GADL1: variants seen among roughly 807,000 people sequenced by gnomAD.
GADL1 encodes acidic amino acid decarboxylase GADL1.
In GADL1, 71 loss-of-function variants were observed where a neutral mutation model predicts 69.5. The ratio of observed to expected loss-of-function variants is 1.02; its 90% CI spans 0.84 to 1.25. GADL1 has a LOEUF of 1.25. Ranked by LOEUF, GADL1 falls within the 50% of genes most tolerant of loss-of-function variation. The pLI is 0.00. For synonymous variants in GADL1, 254 were observed against 214.4 expected, an observed-to-expected ratio of 1.18 and a Z score of -1.62; for missense variants, 737 against 631.8, an observed-to-expected ratio of 1.17 and a Z score of -1.79.
chr3:30,820,830 C>T (rs1289879443), intron 11 of GADL1, among the ~76,000 whole-genome samples: 11 of 151,538 alleles, frequency 7.3e-5, no homozygotes, highest in African/African-American at 2.4e-4. Context: ...GGGTATATAC[C>T]CAAAGGACTA....
chr3:30,780,586 T>C (rs183902320), intron 13 of GADL1, among the ~76,000 whole-genome samples: 1 of 152,352 alleles, frequency 6.6e-6, no homozygotes, highest in Admixed American at 6.5e-5. Flanking sequence ...GTCACCAAAT[T>C]TGTTATTCCC....
chr3:30,863,053 A>ACACACT (rs1023218822), intron 1 of GADL1, among the ~76,000 whole-genome samples: 4 of 149,180 alleles, frequency 2.7e-5, no homozygotes, highest in African/African-American at 9.9e-5. Context: ...ACACACACAC[A>ACACACT]CTCTCTCTCA....
At chr3:30,878,381 T>G (rs1559367773) in intron 1 of GADL1, among the ~76,000 whole-genome samples, 3 of 151,866 alleles carry the variant, frequency 2.0e-5, no homozygotes, top group African/African-American at 7.2e-5. Context: ...GGGAAGGAAG[T>G]GATGGAGAAC....
chr3:30,889,549 C>G (rs1261111499), intron 1 of GADL1, among the ~76,000 whole-genome samples: 1 of 152,206 alleles, frequency 6.6e-6, no homozygotes, highest in East Asian at 1.9e-4. Flanking sequence ...TTAACCATGA[C>G]TTACAGCAAA....
intron 1 of GADL1, among the ~76,000 whole-genome samples, chr3:30,875,412 A>G (rs1459553307): frequency 6.6e-6 from 1 of 151,828 alleles, no homozygotes; most frequent in Non-Finnish European, 1.5e-5. Flanking sequence ...ATCTTATCTC[A>G]TTATAGAATT....
intron 1 of GADL1, among the ~76,000 whole-genome samples, chr3:30,893,057 T>C (rs1417466971): frequency 5.9e-5 from 9 of 152,174 alleles, no homozygotes; most frequent in Admixed American, 5.9e-4. Flanking sequence ...GGTTTCACCA[T>C]GTTGGCCAGG....
intron 1 of GADL1, among the ~76,000 whole-genome samples, chr3:30,864,507 T>C (rs1462577742): frequency 1.3e-5 from 2 of 151,962 alleles, no homozygotes; most frequent in African/African-American, 2.4e-5. Context: ...ATTCACACAA[T>C]TATCTAGGAG....
chr3:30,807,528 C>T (rs1314884099), intron 11 of GADL1, among the ~76,000 whole-genome samples: 4 of 152,148 alleles, frequency 2.6e-5, no homozygotes, highest in Non-Finnish European at 5.9e-5. Flanking sequence ...TTACAAGTCT[C>T]AGTGTAGTTT....
intron 1 of GADL1, among the ~76,000 whole-genome samples, chr3:30,869,350 G>C (rs571246208): frequency 1.3e-5 from 2 of 151,872 alleles, no homozygotes; most frequent in Admixed American, 6.6e-5. Flanking sequence ...ATGCCAATGA[G>C]AGCGGGTAAC....
At chr3:30,875,918 C>T (rs879849361) in intron 1 of GADL1, among the ~76,000 whole-genome samples, 3 of 151,924 alleles carry the variant, frequency 2.0e-5, no homozygotes, top group Non-Finnish European at 4.4e-5. Context: ...TTCACTATCA[C>T]AGTTTGGCAA....
Position 30,861,645 on chromosome 3 carries a change from C to A in GADL1, c.158G>T (p.Cys53Phe). 6.5e-7 allele frequency: 1 copy of A among 1,550,346 alleles called. No individual in the cohort carries two copies. Among genetic ancestry groups the A allele is most frequent in the Non-Finnish European group, 8.7e-7 (1 of 1,146,002 alleles). ...KAGEKFVEEA[C>F]RLIMEEVVLK... is the part of the protein sequence containing the mutation. Reference sequence around the variant, plus strand: ...AACCACCTCTTCCATTATTAGCCTACAGGCCTCTTCAACAAATTTTTCTCC... The same window carrying A: ...AACCACCTCTTCCATTATTAGCCTAAAGGCCTCTTCAACAAATTTTTCTCC... Residue 53 changes from cysteine to phenylalanine, a missense_variant, in exon 2 of 15, where the codon TGT (cysteine) becomes TTT (phenylalanine). Transcript: ENST00000282538.
At chr3:30,773,911 A>G (rs979747322) in intron 14 of GADL1, among the ~76,000 whole-genome samples, 1 of 152,206 alleles carries the variant, frequency 6.6e-6, no homozygotes, top group Non-Finnish European at 1.5e-5. Flanking sequence ...GCTCACCAAC[A>G]GTAGACATCA....
chr3:30,892,522 G>A (rs1698799440), intron 1 of GADL1, among the ~76,000 whole-genome samples: 1 of 152,118 alleles, frequency 6.6e-6, no homozygotes, highest in Non-Finnish European at 1.5e-5. Context: ...CAGATTTAAG[G>A]CAAACTTTGA....
At chr3:30,733,077 A>G (rs7636505) in intron 14 of GADL1, among the ~76,000 whole-genome samples, 1 of 152,170 alleles carries the variant, frequency 6.6e-6, no homozygotes, top group African/African-American at 2.4e-5. Flanking sequence ...TTTTCAAACT[A>G]TCTGTGGGGA....
intron 8 of GADL1, among the ~76,000 whole-genome samples, chr3:30,843,416 C>A (rs541345546): frequency 6.6e-6 from 1 of 152,036 alleles, no homozygotes; most frequent in African/African-American, 2.4e-5. Context: ...CCACCACGCC[C>A]GGCGAATATT....
At chr3:30,885,099 G>A (rs1487463169) in intron 1 of GADL1, among the ~76,000 whole-genome samples, 1 of 152,020 alleles carries the variant, frequency 6.6e-6, no homozygotes, top group Non-Finnish European at 1.5e-5. Context: ...GTAAAAATAA[G>A]TATTTCCAGT....
chr3:30,844,501 A>G, intron 6 of GADL1, 35 bp from the exon 7 acceptor site: 1 of 1,333,566 alleles, frequency 7.5e-7, no homozygotes, highest in Middle Eastern at 1.8e-4. Flanking sequence ...AGGGGGAGAC[A>G]TGAAAACATA....
At chr3:30,852,552 G>A (rs999697788) in intron 4 of GADL1, among the ~76,000 whole-genome samples, 3 of 151,746 alleles carry the variant, frequency 2.0e-5, no homozygotes, top group African/African-American at 4.8e-5. Context: ...TCTTAACCAC[G>A]TTATGAAGCC....
chr3:30,815,478 C>A (rs78519742), intron 11 of GADL1, among the ~76,000 whole-genome samples: 2,821 of 152,196 alleles, frequency 0.019, 90 homozygotes, highest in African/African-American at 0.065. Flanking sequence ...AACAAGAGAA[C>A]CAGATGTATT....
Sources: allele counts gnomAD v4.1 joint callset (sites outside exome capture counted in the v4.1 genomes callset), GRCh38; gene constraint gnomAD v4.1.1; transcripts MANE v1.5; gene names NCBI Gene and HGNC (gene_info 2026-07-23, HGNC 2026-07-21).